The following PRKG1 variants were observed in gnomAD, a reference collection of about 807,000 sequenced individuals.
PRKG1 encodes protein kinase cGMP-dependent 1, also known as cGMP-dependent protein kinase 1.
A neutral mutation model predicts 88.1 loss-of-function variants in PRKG1; 35 were observed. The ratio of observed to expected loss-of-function variants is 0.40; its 90% CI spans 0.30 to 0.53. The LOEUF (loss-of-function observed/expected upper bound fraction) is 0.53. Ranked by LOEUF, PRKG1 falls within the 20% of genes least tolerant of loss-of-function variation. The pLI is 0.59. For missense variants in PRKG1, 540 were observed against 839.8 expected (o/e 0.64, Z 4.41); for synonymous variants, 303 against 292.5 (o/e 1.04, Z -0.37).
chr10:51,087,789 T>C (rs1218816138), intron 1 of PRKG1, among the ~76,000 whole-genome samples: 1 of 152,200 alleles, frequency 6.6e-6, no homozygotes, highest in African/African-American at 2.4e-5. Context: ...TTTTGAGACA[T>C]GGTCTCACTC....
chr10:51,282,698 A>C (rs1449982364), intron 2 of PRKG1, among the ~76,000 whole-genome samples: 1 of 152,170 alleles, frequency 6.6e-6, no homozygotes, highest in Non-Finnish European at 1.5e-5. Context: ...TTCCCAATGG[A>C]AACAGCGTTC....
At chr10:52,063,957 A>G (rs1846296887) in intron 7 of PRKG1, among the ~76,000 whole-genome samples, 1 of 152,142 alleles carries the variant, frequency 6.6e-6, no homozygotes, top group Non-Finnish European at 1.5e-5. Flanking sequence ...GCAGAAATAC[A>G]TGCTGATTGG....
chr10:51,157,406 A>C (rs886911811), intron 2 of PRKG1, among the ~76,000 whole-genome samples: 4 of 151,896 alleles, frequency 2.6e-5, no homozygotes, highest in Non-Finnish European at 5.9e-5. Context: ...AGTCTTACAG[A>C]ATATTTGGAT....
chr10:51,238,592 A>T (rs951732989), intron 2 of PRKG1, among the ~76,000 whole-genome samples: 67 of 150,992 alleles, frequency 4.4e-4, no homozygotes, highest in African/African-American at 1.5e-3. Flanking sequence ...TAAAAAAAAT[A>T]AAAAAATAAA....
intron 2 of PRKG1, among the ~76,000 whole-genome samples, chr10:51,197,101 T>G (rs1288962826): frequency 6.6e-6 from 1 of 152,090 alleles, no homozygotes; most frequent in Non-Finnish European, 1.5e-5. Context: ...CAGTACCTAT[T>G]TAAGTGACTT....
chr10:52,281,775 G>T (rs1397114483), intron 13 of PRKG1, among the ~76,000 whole-genome samples: 1 of 152,064 alleles, frequency 6.6e-6, no homozygotes, highest in Non-Finnish European at 1.5e-5. Flanking sequence ...CAGAAATCAT[G>T]TATATTCTGG....
chr10:52,271,096 C>T (rs957922747), intron 10 of PRKG1, among the ~76,000 whole-genome samples: 3 of 151,972 alleles, frequency 2.0e-5, no homozygotes, highest in Non-Finnish European at 4.4e-5. Context: ...TACATTTTCC[C>T]TCTTCTAATC....
At chr10:51,182,617 T>G (rs1564630116) in intron 2 of PRKG1, among the ~76,000 whole-genome samples, 1 of 152,140 alleles carries the variant, frequency 6.6e-6, no homozygotes. Flanking sequence ...TAGGAGTGCA[T>G]GTGTGCAGGC....
At chr10:51,898,867 A>T (rs866680092) in intron 4 of PRKG1, among the ~76,000 whole-genome samples, 18 of 152,146 alleles carry the variant, frequency 1.2e-4, no homozygotes, top group African/African-American at 4.3e-4. Context: ...GCCCATTCAG[A>T]TGCATTTTAT....
chr10:51,574,686 A>G (rs559309832), intron 3 of PRKG1, among the ~76,000 whole-genome samples: 1 of 152,086 alleles, frequency 6.6e-6, no homozygotes, highest in African/African-American at 2.4e-5. Flanking sequence ...AAGATACATA[A>G]CACCTACTAC....
At chr10:51,461,215 C>G (rs1374761193) in intron 2 of PRKG1, among the ~76,000 whole-genome samples, 3 of 152,144 alleles carry the variant, frequency 2.0e-5, no homozygotes, top group Non-Finnish European at 2.9e-5. Flanking sequence ...AAGATCTTCA[C>G]TCATGTAGCT....
chr10:51,368,297 G>A (rs906962160), intron 2 of PRKG1, among the ~76,000 whole-genome samples: 25 of 151,494 alleles, frequency 1.7e-4, no homozygotes, highest in Admixed American at 9.2e-4. Context: ...ACTTTTTTTC[G>A]TCTTCCTTGT....
intron 3 of PRKG1, among the ~76,000 whole-genome samples, chr10:51,511,504 T>C (rs945426110): frequency 1.3e-5 from 2 of 152,132 alleles, no homozygotes; most frequent in Non-Finnish European, 2.9e-5. Flanking sequence ...ATGAAAATGA[T>C]AATATGATAC....
At chr10:51,937,212 T>C (rs1842816062) in intron 5 of PRKG1, among the ~76,000 whole-genome samples, 1 of 152,018 alleles carries the variant, frequency 6.6e-6, no homozygotes, top group Non-Finnish European at 1.5e-5. Flanking sequence ...TATGAAATAG[T>C]TCTTCACATG....
At chr10:52,156,165 G>C (rs10733899) in intron 8 of PRKG1, among the ~76,000 whole-genome samples, 106,032 of 151,250 alleles carry the variant, frequency 0.7, 38,685 homozygotes, top group South Asian at 0.83. Flanking sequence ...GTGTGTGTAA[G>C]TGTCTCTTGC....
In PRKG1 at chr10:51,153,302, C is replaced by A. The variant is rs368286950; in HGVS notation, c.450C>A (p.Asp150Glu). 1 of 1,611,264 alleles carries A rather than the reference C, an allele frequency of 6.2e-7. No individual in the cohort carries two copies. Among genetic ancestry groups the A allele is most frequent in the Non-Finnish European group, 8.5e-7 (1 of 1,178,406 alleles). The change falls in exon 2 of 18, where the codon GAC becomes GAA. Residue 150 changes from aspartate to glutamate, a missense_variant. Physicochemically the swap from Asp to Glu is conservative, Grantham distance 45. Coordinates refer to ENST00000373980, the MANE Select transcript of PRKG1 (RefSeq NM_006258.4). ...GKDSCIIKEG[D>E]VGSLVYVMED... The stretch of plus-strand genomic sequence containing the variant: ...ACAGTTGCATCATCAAAGAAGGAGA[C>A]GTGGGGTCACTGGTGTATGTCATGG...
At chr10:52,237,802 A>G (rs1036543940) in intron 9 of PRKG1, among the ~76,000 whole-genome samples, 1 of 136,252 alleles carries the variant, frequency 7.3e-6, no homozygotes, top group Non-Finnish European at 1.6e-5. Flanking sequence ...CTTTCTTCAC[A>G]GAATTGGAAA....
intron 5 of PRKG1, chr10:51,909,659 G>A (rs1842172501): frequency 6.6e-6 from 1 of 152,204 alleles, no homozygotes; most frequent in Admixed American, 6.5e-5. Context: ...GGCCTTGACT[G>A]ATTCTTCACA....
intron 2 of PRKG1, among the ~76,000 whole-genome samples, chr10:51,243,340 C>T (rs918268217): frequency 6.6e-6 from 1 of 152,134 alleles, no homozygotes; most frequent in Non-Finnish European, 1.5e-5. Context: ...CCACCACTGG[C>T]CTAATGGGAA....
Sources: gnomAD v4.1 joint callset for allele counts (sites outside exome capture counted in the v4.1 genomes callset) on GRCh38, gnomAD v4.1.1 for gene constraint, MANE v1.5 for transcripts, NCBI Gene and HGNC (gene_info 2026-07-23, HGNC 2026-07-21) for gene names.